Variants in KRT73 observed in about 807,000 individuals in gnomAD.
KRT73 encodes keratin 73.
In KRT73, 44 loss-of-function variants were observed where a neutral mutation model predicts 47.2. The observed-to-expected ratio is 0.93, with a 90% confidence interval of 0.73 to 1.20. The LOEUF (loss-of-function observed/expected upper bound fraction) is 1.20, where lower values mean the gene tolerates loss of function less well. Among genes scored for constraint, KRT73 ranks in the 50% most tolerant of loss-of-function variants. The pLI, the probability that KRT73 is intolerant of heterozygous loss-of-function variation, is 0.00. For synonymous variants in KRT73, 285 were observed against 291.3 expected (o/e 0.98, Z 0.22); for missense variants, 713 against 704.5 (o/e 1.01, Z -0.14).
rs778773990 is a variant in KRT73 at position 52,618,535 on chromosome 12, C to T, written c.-11G>A. Reference sequence around the variant, plus strand: ...GAATTGGCGGCTCATGGTGGGGAGGCCAGAAAGTGGGGATAAGATGCTGAC... The same window carrying T: ...GAATTGGCGGCTCATGGTGGGGAGGTCAGAAAGTGGGGATAAGATGCTGAC... On this transcript the variant is annotated 5_prime_UTR_variant, in exon 1 of 9. Transcript: ENST00000305748. The T allele has an allele frequency of 6.9e-6, 11 of 1,585,406 alleles. No individual in the cohort carries two copies. The highest frequency in any genetic ancestry group is 2.7e-5 in the African/African-American group (2 of 73,930).
chr12:52,618,204 G>A lies in KRT73; in HGVS notation c.321C>T (p.Val107=), dbSNP rs138760304. ...GTGCCAGGAGGCTCTTGTTGATGGT[G>A]ACCTGATGGATACCCCCGGGCGGGC... ...SLCPPGGIHQ[V]TINKSLLAPL... Residue 107 remains valine (V), a synonymous_variant, in exon 1 of 9, where the codon GTC becomes GTT. Coordinates refer to ENST00000305748, the MANE Select transcript of KRT73 (RefSeq NM_175068.3). The A allele has an allele frequency of 1.7e-5, 27 of 1,613,982 alleles. No individual in the cohort carries two copies. In the African/African-American group the frequency reaches 3.2e-4, roughly 19 times the overall value.
At chr12:52,619,306 T>A (rs1940867667), upstream of KRT73, among the ~76,000 whole-genome samples, 1 of 152,220 alleles carries the variant, frequency 6.6e-6, no homozygotes, top group African/African-American at 2.4e-5. Context: ...GTAACAGAGC[T>A]CCTCACACAA....
the KRT73 span, among the ~76,000 whole-genome samples, chr12:52,626,484 CA>C: frequency 1.3e-5 from 2 of 152,314 alleles, no homozygotes; most frequent in Admixed American, 1.3e-4. Flanking sequence ...AGCCTGAACC[CA>C]CTCTCAGGAG....
chr12:52,618,823 G>A (rs1940862607), upstream of KRT73, among the ~76,000 whole-genome samples: 1 of 152,230 alleles, frequency 6.6e-6, no homozygotes, highest in Admixed American at 6.5e-5. Context: ...ATCTTAGGTG[G>A]GAGGTTTGTC....
At chr12:52,624,283 A>T in the KRT73 span, among the ~76,000 whole-genome samples, 6 of 152,114 alleles carry the variant, frequency 3.9e-5, no homozygotes, top group Non-Finnish European at 5.9e-5. Context: ...ATGGAACTAA[A>T]ATATTAGATA....
chr12:52,608,271 C>A lies in KRT73; in HGVS notation c.1548G>T (p.Gly516=), dbSNP rs763850709. The change falls in exon 9 of 9, where the codon GGG becomes GGT. Residue 516 remains glycine, a synonymous_variant. Transcript: ENST00000305748. The part of the protein sequence containing the change: ...SPRGEARTRL[G]SASEFRDSQG... Reference sequence around the variant, plus strand: ...GGGAGTCCCTGAATTCACTTGCACTCCCCAGCCTGGTCCTGGCTTCCCCAC... The same window carrying A: ...GGGAGTCCCTGAATTCACTTGCACTACCCAGCCTGGTCCTGGCTTCCCCAC... 1.2e-6 allele frequency: 2 copies of A among 1,614,006 alleles called. No homozygotes were observed. Among genetic ancestry groups the A allele is most frequent in the South Asian group, 2.2e-5 (2 of 91,008 alleles).
At chr12:52,612,330 C>G (rs1410594462) in intron 5 of KRT73, 1 of 152,214 alleles carries the variant, frequency 6.6e-6, no homozygotes, top group Non-Finnish European at 1.5e-5. Flanking sequence ...TTGTTGTCAT[C>G]TATTAAACAG....
At chr12:52,622,137 A>G (rs1177717881), upstream of KRT73, among the ~76,000 whole-genome samples, 5 of 152,222 alleles carry the variant, frequency 3.3e-5, no homozygotes, top group East Asian at 5.8e-4. Context: ...TGAATGAAAA[A>G]AAAAGACGAT....
Position 52,616,375 on chromosome 12 carries a change from C to A in KRT73, c.453G>T (p.Arg151=), listed in dbSNP as rs1592245325. 1 of 1,614,182 alleles carries A rather than the reference C, an allele frequency of 6.2e-7. No individual in the cohort carries two copies. The highest frequency in any genetic ancestry group is 2.2e-5 in the East Asian group (1 of 44,870). ...NKFASFIDKV[R]FLEQQNQVLE... is the part of the protein sequence containing the mutation. ...GCACCTGGTTCTGCTGCTCCAGGAA[C>A]CGCACCTGGAACCCATGCCACACAT... Residue 151 remains arginine (R), a synonymous_variant, in exon 2 of 9, where the codon CGG becomes CGT. Transcript: ENST00000305748.
At chr12:52,619,582 G>T (rs148348888), upstream of KRT73, among the ~76,000 whole-genome samples, 4 of 152,242 alleles carry the variant, frequency 2.6e-5, no homozygotes, top group Admixed American at 1.3e-4. Flanking sequence ...CGTCCAACCA[G>T]CCAGCCAGCC....
upstream of KRT73, among the ~76,000 whole-genome samples, chr12:52,621,474 G>C (rs1161721988): frequency 6.6e-6 from 1 of 152,154 alleles, no homozygotes; most frequent in Non-Finnish European, 1.5e-5. Flanking sequence ...CTGAAGCGTA[G>C]AGAAGAAGGC....
the KRT73 span, among the ~76,000 whole-genome samples, chr12:52,625,043 G>T: frequency 6.6e-6 from 1 of 152,024 alleles, no homozygotes; most frequent in Non-Finnish European, 1.5e-5. Context: ...TAAAACTATA[G>T]AACTTTTAGA....
rs1345456181 is a variant in KRT73, at chr12:52,614,614, C to T, written c.784G>A (p.Gly262Arg). The T allele has an allele frequency of 5.0e-6, 8 of 1,613,862 alleles. No individual in the cohort carries two copies. The highest frequency in any genetic ancestry group is 6.8e-6 in the Non-Finnish European group (8 of 1,179,938). The change falls in exon 4 of 9, where the codon GGA (glycine) becomes AGA (arginine). Residue 262 changes from glycine (G) to arginine (R), a missense_variant. Physicochemically the swap from Gly to Arg is moderately radical, Grantham distance 125. Transcript: ENST00000305748. ...ELQAKVDALD[G>R]EIKFFKCLYE... ...AGACACTTGAAGAACTTGATTTCTC[C>T]ATCCAGGGCATCCACCTTGGCCTGC...
the KRT73 span, among the ~76,000 whole-genome samples, chr12:52,627,013 G>A: frequency 6.6e-6 from 1 of 152,158 alleles, no homozygotes; most frequent in Non-Finnish European, 1.5e-5. Flanking sequence ...TTATGCTCTT[G>A]TCAATCTCCT....
chr12:52,610,485 T>TG lies in KRT73; in HGVS notation c.1331+129dup, dbSNP rs1230900549. 4 of 862,982 alleles carry TG rather than the reference T, an allele frequency of 4.6e-6. No homozygotes were observed. In the Admixed American group the frequency reaches 8.4e-5, roughly 18 times the overall value. The allele number at this position is 862,982 out of a possible 1,614,324, so 53.5% of individuals were successfully genotyped here. ...TCACATTATCTGGCAGGATGCTGTT[T>TG]GAAACTATGCTTGTGGGTGAAGTAA... On this transcript the variant is annotated intron_variant, in intron 7 of 8. Transcript: ENST00000305748.
In KRT73 at chr12:52,610,840, G is replaced by A. The variant is rs773251601; in HGVS notation, c.1111-5C>T. 1.3e-5 allele frequency: 21 copies of A among 1,607,698 alleles called. No homozygotes were observed. The East Asian group carries it at 4.5e-4, about 34-fold the overall frequency. On this transcript the variant is annotated splice_polypyrimidine_tract_variant and splice_region_variant and intron_variant, in intron 6 of 8. Transcript: ENST00000305748. ...GGCCGTCTCCAGGTTGGCACACTGG[G>A]GTCAGGAGGTAGCATTTCTCCCTGA...
At chr12:52,624,216 A>G in the KRT73 span, among the ~76,000 whole-genome samples, 2 of 152,114 alleles carry the variant, frequency 1.3e-5, no homozygotes, top group African/African-American at 4.8e-5. Context: ...GTAAGAAGAC[A>G]TTCCTAATGT....
the KRT73 span, among the ~76,000 whole-genome samples, chr12:52,626,095 C>T: frequency 6.6e-6 from 1 of 152,150 alleles, no homozygotes; most frequent in African/African-American, 2.4e-5. Flanking sequence ...GTATAAATGT[C>T]AATATCCTGG....
At chr12:52,629,386 G>A in the KRT73 span, among the ~76,000 whole-genome samples, 4 of 143,198 alleles carry the variant, frequency 2.8e-5, no homozygotes, top group Non-Finnish European at 6.1e-5. Flanking sequence ...CAAGGGCCCT[G>A]AAGGCAGGGT....
Sources: allele counts gnomAD v4.1 joint callset (sites outside exome capture counted in the v4.1 genomes callset), GRCh38; gene constraint gnomAD v4.1.1; transcripts MANE v1.5; gene names NCBI Gene and HGNC (gene_info 2026-07-23, HGNC 2026-07-21).